XRN2: variants seen among roughly 807,000 people sequenced by gnomAD.
XRN2 encodes DHM1-like protein.
In XRN2, 44 loss-of-function variants were observed where a neutral mutation model predicts 138.5. The ratio of observed to expected loss-of-function variants is 0.32; its 90% CI spans 0.25 to 0.41. The LOEUF is 0.41. XRN2 is among the 10% of genes least tolerant of loss of function. The pLI is 1.00. For synonymous variants in XRN2, 354 were observed against 369.4 expected (o/e 0.96, Z 0.48); for missense variants, 937 against 1,169.3 (o/e 0.80, Z 2.90).
At chr20:21,357,884 CAGCTGT>C (rs2038594862) in intron 24 of XRN2, 92 bp downstream of exon 24, 1 of 1,101,174 alleles carries the variant, frequency 9.1e-7, no homozygotes. Context: ...AAGGAAATGG[CAGCTGT>C]TAATCCACCA....
intron 13 of XRN2, among the ~76,000 whole-genome samples, chr20:21,335,230 TG>T (rs1163955446): frequency 1.3e-5 from 2 of 152,074 alleles, no homozygotes; most frequent in African/African-American, 4.8e-5. Context: ...GCAGAGTGAT[TG>T]GAGGGTGATT....
At chr20:21,314,403 T>C (rs1041701576) in intron 1 of XRN2, among the ~76,000 whole-genome samples, 4 of 152,202 alleles carry the variant, frequency 2.6e-5, no homozygotes, top group Non-Finnish European at 4.4e-5. Flanking sequence ...AACATTCATG[T>C]TATGTTTCTA....
At position 21,365,617 on chromosome 20, in the gene XRN2, G is replaced by A; in HGVS notation, c.2369G>A (p.Ser790Asn). Residue 790 changes from serine (S) to asparagine (N), a missense_variant, in exon 26 of 30, where the codon AGC becomes AAC. This residue lies in a region of XRN2 where 372 missense variants were observed against 414.4 expected (regional missense o/e 0.90). Coordinates refer to ENST00000377191, the MANE Select transcript of XRN2 (RefSeq NM_012255.5). The part of the protein sequence containing the change: ...VLKPSDWEKS[S>N]NGRQWKPQLG... The stretch of plus-strand genomic sequence containing the variant: ...AAACCTAGTGACTGGGAAAAATCCA[G>A]CAATGGACGGCAGTGGAAGCCTCAG... The A allele has an allele frequency of 6.2e-7, 1 of 1,613,280 alleles. No individual in the cohort carries two copies. The highest frequency in any genetic ancestry group is 1.1e-5 in the South Asian group (1 of 91,058).
chr20:21,368,480 G>A lies in XRN2; in HGVS notation c.2474G>A (p.Gly825Asp), dbSNP rs776858631. The change falls in exon 27 of 30, where the codon GGC becomes GAC. Residue 825 changes from glycine (G) to aspartate (D), a missense_variant. Physicochemically the swap from Gly to Asp is moderately conservative, Grantham distance 94. This residue lies in a region of XRN2 where 372 missense variants were observed against 414.4 expected (regional missense o/e 0.90). Transcript: ENST00000377191. ...TTTTATAGCCATGTGATGCCAAGAG[G>A]CTCAGGAACTGGCATTTACAGCAAT... ...FRTLGHVMPRGSGTGIYSNAA... is the reference protein window; with the variant it reads ...FRTLGHVMPRDSGTGIYSNAA... 4 of 1,613,854 alleles carry A rather than the reference G, an allele frequency of 2.5e-6. No individual in the cohort carries two copies. Among genetic ancestry groups the A allele is most frequent in the South Asian group, 1.1e-5 (1 of 91,070 alleles).
chr20:21,352,938 C>T (rs1332007375), intron 20 of XRN2, among the ~76,000 whole-genome samples: 1 of 151,816 alleles, frequency 6.6e-6, no homozygotes, highest in Non-Finnish European at 1.5e-5. Flanking sequence ...CTGCTATTCT[C>T]ATGTTTACTA....
rs746338013 is a variant in XRN2 at position 21,354,831 on chromosome 20, C to T, written c.1979C>T (p.Ala660Val). ...LPFVDERRLR[A>V]ALEEVYPDLT... ...TTCGTGGATGAGCGAAGGCTACGAG[C>T]TGCCCTAGAAGAGGTATACCCAGAC... The change falls in exon 21 of 30, where the codon GCT becomes GTT. Residue 660 changes from alanine to valine, a missense_variant. Physicochemically the swap from Ala to Val is moderately conservative, Grantham distance 64. Coordinates refer to ENST00000377191, the MANE Select transcript of XRN2 (RefSeq NM_012255.5). The T allele has an allele frequency of 6.2e-7, 1 of 1,613,998 alleles. No homozygotes were observed. Among genetic ancestry groups the T allele is most frequent in the African/African-American group, 1.3e-5 (1 of 75,052 alleles).
At chr20:21,360,327 TG>T (rs1379732477) in intron 24 of XRN2, among the ~76,000 whole-genome samples, 1 of 152,190 alleles carries the variant, frequency 6.6e-6, no homozygotes, top group Non-Finnish European at 1.5e-5. Flanking sequence ...TTCCTCCTGT[TG>T]TTTGGAGTGC....
At chr20:21,341,363 C>T (rs2038370063) in intron 15 of XRN2, among the ~76,000 whole-genome samples, 2 of 152,174 alleles carry the variant, frequency 1.3e-5, no homozygotes, top group Admixed American at 6.5e-5. Context: ...CTCTGGCTCT[C>T]CAATTCAGCA....
intron 20 of XRN2, among the ~76,000 whole-genome samples, chr20:21,350,610 C>A (rs1353433146): frequency 6.7e-6 from 1 of 149,222 alleles, no homozygotes; most frequent in Non-Finnish European, 1.5e-5. Context: ...CATCCTGCAG[C>A]AAATTATTTA....
At chr20:21,333,441 T>C (rs202840) in intron 9 of XRN2, 103 bp from the exon 10 acceptor site, 198,132 of 1,163,870 alleles carry the variant, frequency 0.17, 18,851 homozygotes, top group Non-Finnish European at 0.2. Flanking sequence ...ACTTGTGATA[T>C]TAAAATGGAT....
At chr20:21,381,967 C>A (rs1230506143) in intron 27 of XRN2, 27 bp from the exon 28 acceptor site, 1 of 1,587,918 alleles carries the variant, frequency 6.3e-7, no homozygotes, top group East Asian at 2.2e-5. Context: ...TAAAAATCTT[C>A]TTAACCCTTT....
chr20:21,383,241 T>A (rs2038904472), intron 28 of XRN2, among the ~76,000 whole-genome samples: 1 of 152,256 alleles, frequency 6.6e-6, no homozygotes, highest in South Asian at 2.1e-4. Context: ...CAGTATGTGC[T>A]GTTTCATTTT....
At chr20:21,344,676 A>T (rs557389808) in intron 16 of XRN2, among the ~76,000 whole-genome samples, 1 of 152,332 alleles carries the variant, frequency 6.6e-6, no homozygotes, top group East Asian at 1.9e-4. Context: ...TAAGAGATCA[A>T]TATGTATGTT....
At chr20:21,340,895 T>G in intron 15 of XRN2, 43 bp downstream of exon 15, 1 of 1,608,994 alleles carries the variant, frequency 6.2e-7, no homozygotes, top group East Asian at 2.2e-5. Flanking sequence ...GTGGTGAATA[T>G]CACATACCTC....
At chr20:21,373,605 A>G (rs2038786129) in intron 27 of XRN2, among the ~76,000 whole-genome samples, 1 of 152,176 alleles carries the variant, frequency 6.6e-6, no homozygotes, top group Admixed American at 6.5e-5. Flanking sequence ...GCAGTGTAGG[A>G]GAGTTCTGGT....
intron 26 of XRN2, among the ~76,000 whole-genome samples, 192 bp downstream of exon 26, chr20:21,365,896 TTATA>T (rs766677499): frequency 2.4e-5 from 3 of 124,654 alleles, no homozygotes; most frequent in Admixed American, 2.0e-4. Flanking sequence ...TAATATATAA[TTATA>T]TATATAATAT....
Position 21,303,407 on chromosome 20 carries a change from C to A in XRN2, c.9C>A (p.Val3=). MG[V]PAFFRWLSRK... The stretch of plus-strand genomic sequence containing the variant: ...TCCAGCCGTGTGCCGCTATGGGAGT[C>A]CCGGCGTTCTTCCGCTGGCTCAGCC... Residue 3 remains valine (V), a synonymous_variant, in exon 1 of 30, where the codon GTC becomes GTA. Transcript: ENST00000377191. 6.5e-7 allele frequency: 1 copy of A among 1,548,824 alleles called. No individual in the cohort carries two copies. Among genetic ancestry groups the A allele is most frequent in the Non-Finnish European group, 8.7e-7 (1 of 1,146,096 alleles).
At chr20:21,347,085 A>G (rs909954037) in intron 17 of XRN2, among the ~76,000 whole-genome samples, 2 of 152,188 alleles carry the variant, frequency 1.3e-5, no homozygotes, top group Admixed American at 6.5e-5. Flanking sequence ...TGTTAAAAGT[A>G]TTTTCAGGAT....
At position 21,333,972 on chromosome 20, in the gene XRN2, A is replaced by G. The variant is rs1600687959; in HGVS notation, c.1103A>G (p.Lys368Arg). Residue 368 changes from lysine to arginine, a missense_variant, in exon 12 of 30, where the codon AAA (lysine) becomes AGA (arginine). Lys to Arg is a conservative substitution (Grantham distance 26, BLOSUM62 2). Transcript: ENST00000377191. ...ATTGACCGTTTGGTTAACATATACA[A>G]AAATGTGGTACACAAAACTGGGGTA... is the stretch of plus-strand genomic sequence containing the variant. ...NAIDRLVNIY[K>R]NVVHKTGGYL... is the part of the protein sequence containing the mutation. The G allele has an allele frequency of 6.2e-7, 1 of 1,614,030 alleles. No individual in the cohort carries two copies.
Sources: gnomAD v4.1 joint callset for allele counts (sites outside exome capture counted in the v4.1 genomes callset) on GRCh38, gnomAD v4.1.1 for gene constraint, gnomAD v4.1.1 regional missense constraint, MANE v1.5 for transcripts, NCBI Gene and HGNC (gene_info 2026-07-23, HGNC 2026-07-21) for gene names.